Variants in KIAA0319 observed in about 807,000 individuals in gnomAD.
The protein encoded by KIAA0319 is dyslexia-associated protein KIAA0319.
Under a neutral mutation model 108.4 loss-of-function variants are expected in KIAA0319, and 83 were observed. The ratio of observed to expected loss-of-function variants is 0.77; its 90% CI spans 0.64 to 0.92. The LOEUF (loss-of-function observed/expected upper bound fraction) is 0.92, where lower values mean the gene tolerates loss of function less well. KIAA0319 is among the 40% of genes least tolerant of loss of function. KIAA0319 has a pLI of 0.00. For synonymous variants in KIAA0319, 484 were observed against 510.4 expected, an observed-to-expected ratio of 0.95 and a Z score of 0.70; for missense variants, 1,195 against 1,322.4, an observed-to-expected ratio of 0.90 and a Z score of 1.49.
At chr6:24,624,379 A>AC (rs1774423924) in intron 1 of KIAA0319, among the ~76,000 whole-genome samples, 1 of 152,002 alleles carries the variant, frequency 6.6e-6, no homozygotes, top group Non-Finnish European at 1.5e-5. Context: ...TCAAACATGT[A>AC]AACAAAATCA....
chr6:24,624,462 A>G (rs1774434555), intron 1 of KIAA0319, among the ~76,000 whole-genome samples: 1 of 152,194 alleles, frequency 6.6e-6, no homozygotes, highest in Non-Finnish European at 1.5e-5. Context: ...TGGAGGAGGT[A>G]TTCCAGCAAA....
intron 10 of KIAA0319, among the ~76,000 whole-genome samples, chr6:24,574,987 T>C (rs1582010706): frequency 6.6e-6 from 1 of 152,344 alleles, no homozygotes; most frequent in East Asian, 1.9e-4. Context: ...GTCTCACCAA[T>C]GCCCTCAAGG....
intron 20 of KIAA0319, among the ~76,000 whole-genome samples, chr6:24,549,093 G>A (rs142122137): frequency 0.013 from 2,027 of 152,016 alleles, 110 homozygotes; most frequent in East Asian, 0.11. Context: ...AGGCCGAGGC[G>A]GGTGGATCAC....
Position 24,599,515 on chromosome 6 carries a change from T to A in KIAA0319, c.55+1534A>T. 1 of 567,750 alleles carries A rather than the reference T, an allele frequency of 1.8e-6. No individual in the cohort carries two copies. The highest frequency in any genetic ancestry group is 1.5e-5 in the South Asian group (1 of 66,212). 35.2% of individuals were successfully genotyped at this position (567,750 alleles called of 1,614,324 possible). On this transcript the variant is annotated intron_variant, in intron 2 of 20. Transcript: ENST00000378214. The surrounding 1 kb of genome is among the most constrained non-coding windows in gnomAD (Gnocchi z 4.1). ...ATCAAGCCAACCCTGGACATCGAGA[T>A]TGTCACCTACAGGAAGGTGCTGGAG...
At position 24,551,444 on chromosome 6, in the gene KIAA0319, C is replaced by G. The variant is rs1436453372; in HGVS notation, c.3030G>C (p.Arg1010Ser). ...NMDEQERMEL[R>S]PKYGIKHRST... ...TGCAGACTGTCTTACCATATTTGGG[C>G]CTCAGTTCCATTCTTTCCTGTTCAT... is the stretch of plus-strand genomic sequence containing the variant. The change falls in exon 20 of 21, where the codon AGG becomes AGC. Residue 1010 changes from arginine (R) to serine (S), a missense_variant. Transcript: ENST00000378214. 14 of 1,609,154 alleles carry G rather than the reference C, an allele frequency of 8.7e-6. No homozygotes were observed. Among genetic ancestry groups the G allele is most frequent in the Non-Finnish European group, 1.1e-5 (13 of 1,175,530 alleles).
At chr6:24,634,555 A>G (rs1775967202) in intron 1 of KIAA0319, among the ~76,000 whole-genome samples, 1 of 152,358 alleles carries the variant, frequency 6.6e-6, no homozygotes, top group South Asian at 2.1e-4. Context: ...CAGCTGATAT[A>G]AGAGGCAGAA....
At chr6:24,567,338 T>C (rs890729120) in intron 13 of KIAA0319, among the ~76,000 whole-genome samples, 19 of 152,098 alleles carry the variant, frequency 1.2e-4, no homozygotes, top group South Asian at 2.1e-4. Flanking sequence ...TCCATCTCTA[T>C]GAAAAATTAA....
Position 24,601,042 on chromosome 6 carries a change from T to TC in KIAA0319, c.55+6dup. ...ACACGGGTATCTCCAGGGTAGTAGT[T>TC]CCCTACCTGCAATTGTCACCAGCAG... On this transcript the variant is annotated splice_region_variant and intron_variant, in intron 2 of 20. Coordinates refer to ENST00000378214, the MANE Select transcript of KIAA0319 (RefSeq NM_014809.4). 1.9e-6 allele frequency: 3 copies of TC among 1,613,810 alleles called. No individual in the cohort carries two copies. The highest frequency in any genetic ancestry group is 2.5e-6 in the Non-Finnish European group (3 of 1,179,928).
intron 18 of KIAA0319, among the ~76,000 whole-genome samples, chr6:24,555,072 C>T (rs369079172): frequency 4.6e-5 from 7 of 152,168 alleles, no homozygotes; most frequent in Non-Finnish European, 8.8e-5. Context: ...ACATTTTTCA[C>T]GGCCAGAGAG....
At chr6:24,559,231 G>A in intron 16 of KIAA0319, 76 bp from the exon 17 acceptor site, 2 of 1,516,854 alleles carry the variant, frequency 1.3e-6, no homozygotes, top group East Asian at 2.3e-5. Context: ...CACAGCATCT[G>A]ACCTGTGAAA....
Position 24,599,650 on chromosome 6 carries a change from G to T in KIAA0319, c.55+1399C>A. On this transcript the variant is annotated intron_variant, in intron 2 of 20. Coordinates refer to ENST00000378214, the MANE Select transcript of KIAA0319 (RefSeq NM_014809.4). This position sits in a 1 kb window ranked among gnomAD's most constrained non-coding sequence, Gnocchi z 4.1. ...TCAGCCTATGGGGGCCTCAGCTACA[G>T]CCTGGGCTCCAGCTTTGGCTCTGGC... The T allele has an allele frequency of 1.6e-6, 1 of 624,470 alleles. No individual in the cohort carries two copies. The highest frequency in any genetic ancestry group is 3.0e-6 in the Non-Finnish European group (1 of 336,508). The allele number at this position is 624,470 out of a possible 1,614,324, so 38.7% of individuals were successfully genotyped here.
In KIAA0319 at chr6:24,551,505, C is replaced by T; in HGVS notation, c.2969G>A (p.Arg990Lys). ...CAGGATGGTGTACTTTGTTTTTTTCCTGATTTTAGTCCTTTTTTGTCTGAA... is the reference window on the plus strand; with the variant it reads ...CAGGATGGTGTACTTTGTTTTTTTCTTGATTTTAGTCCTTTTTTGTCTGAA... ...CCKRQKRTKIRKKTKYTILDN... is the reference protein window; with the variant it reads ...CCKRQKRTKIKKKTKYTILDN... Residue 990 changes from arginine to lysine, a missense_variant, in exon 20 of 21, where the codon AGG becomes AAG. Arg to Lys is a conservative substitution (Grantham distance 26). Transcript: ENST00000378214. 1 of 1,610,060 alleles carries T rather than the reference C, an allele frequency of 6.2e-7. No individual in the cohort carries two copies. Among genetic ancestry groups the T allele is most frequent in the South Asian group, 1.1e-5 (1 of 91,006 alleles).
At chr6:24,637,328 T>C (rs1401595026) in intron 1 of KIAA0319, among the ~76,000 whole-genome samples, 2 of 152,232 alleles carry the variant, frequency 1.3e-5, no homozygotes, top group African/African-American at 4.8e-5. Context: ...CTGGAAAAGC[T>C]TCACCCGAGA....
chr6:24,564,079 T>G, intron 15 of KIAA0319, 123 bp downstream of exon 15: 1 of 1,189,968 alleles, frequency 8.4e-7, no homozygotes, highest in Non-Finnish European at 1.2e-6. Context: ...TCAAAGTGGG[T>G]CCAGCCAAGA....
At position 24,627,328 on chromosome 6, in the gene KIAA0319, G is replaced by A. The variant is rs555599114; in HGVS notation, c.-106+18408C>T. Among the ~76,000 whole-genome samples the A allele has an allele frequency of 2.6e-5, 4 of 152,262 alleles. No homozygotes were observed. The South Asian group carries it at 8.3e-4, about 32-fold the overall frequency. On this transcript the variant is annotated intron_variant, in intron 1 of 20. Coordinates refer to ENST00000378214, the MANE Select transcript of KIAA0319 (RefSeq NM_014809.4). ...AATTAGAGATCACTGTCAACAGGTG[G>A]TAATGTGCTACCTGATAACCTCCTG...
At chr6:24,571,590 C>T (rs1051601687) in intron 11 of KIAA0319, among the ~76,000 whole-genome samples, 1 of 152,058 alleles carries the variant, frequency 6.6e-6, no homozygotes, top group South Asian at 2.1e-4. Flanking sequence ...CATTCCAATC[C>T]CTGCCCAACC....
At chr6:24,601,409 G>T in intron 1 of KIAA0319, 1 of 648,124 alleles carries the variant, frequency 1.5e-6, no homozygotes, top group Non-Finnish European at 1.9e-6. Flanking sequence ...AGAATTTCAT[G>T]CTTACTCTCC....
intron 1 of KIAA0319, among the ~76,000 whole-genome samples, chr6:24,622,814 C>T (rs188083610): frequency 1.9e-3 from 284 of 152,126 alleles, no homozygotes; most frequent in Middle Eastern, 6.8e-3. Context: ...GAGGCCGAGG[C>T]GAGAGGATCA....
In KIAA0319 at chr6:24,547,052, C is replaced by T. The variant is rs1477067124; in HGVS notation, c.*113G>A. ...TAGTACGTGGGGATACACATCTAAC[C>T]CACTGGGGAAGAAGGTCAATGAACT... On this transcript the variant is annotated 3_prime_UTR_variant, in exon 21 of 21. Transcript: ENST00000378214. The T allele has an allele frequency of 1.7e-6, 2 of 1,144,886 alleles. No homozygotes were observed. Among genetic ancestry groups the T allele is most frequent in the Non-Finnish European group, 2.5e-6 (2 of 784,776 alleles). The allele number at this position is 1,144,886 out of a possible 1,614,324, so 70.9% of individuals were successfully genotyped here.
Sources: allele counts gnomAD v4.1 joint callset (sites outside exome capture counted in the v4.1 genomes callset), GRCh38; gene constraint gnomAD v4.1.1; non-coding constraint Gnocchi (gnomAD v3.1); transcripts MANE v1.5; gene names NCBI Gene and HGNC (gene_info 2026-07-23, HGNC 2026-07-21).